TMC5: variants seen among roughly 807,000 people sequenced by gnomAD.
TMC5 encodes the protein transmembrane channel-like protein 5.
Under a neutral mutation model 110.5 loss-of-function variants are expected in TMC5, and 86 were observed. The observed-to-expected ratio is 0.78, with a 90% CI of 0.65 to 0.93. The LOEUF (loss-of-function observed/expected upper bound fraction) is 0.93. Ranked by LOEUF, TMC5 falls within the 40% of genes least tolerant of loss-of-function variation. The pLI is 0.00. For missense variants in TMC5, 1,144 were observed against 1,222.8 expected (o/e 0.94, Z 0.96); for synonymous variants, 455 against 439.5 (o/e 1.04, Z -0.44).
chr16:19,415,486 C>T (rs754862570), upstream of TMC5, among the ~76,000 whole-genome samples: 1 of 152,164 alleles, frequency 6.6e-6, no homozygotes, highest in South Asian at 2.1e-4. Context: ...TACTGCTAAA[C>T]ACCCTACAAT....
chr16:19,490,771 T>TCC (rs1186272640), intron 18 of TMC5, among the ~76,000 whole-genome samples: 1 of 117,364 alleles, frequency 8.5e-6, no homozygotes, highest in Non-Finnish European at 1.7e-5. Flanking sequence ...TCCCTTCCTT[T>TCC]TTTTCTTTTC....
At chr16:19,482,945 C>T (rs867541193) in intron 15 of TMC5, among the ~76,000 whole-genome samples, 22 of 151,874 alleles carry the variant, frequency 1.4e-4, no homozygotes, top group Admixed American at 9.9e-4. Flanking sequence ...AGTGGTGCAA[C>T]CTCCACCTCC....
At chr16:19,456,262 C>CATAT (rs113636968) in intron 5 of TMC5, among the ~76,000 whole-genome samples, 134 of 148,652 alleles carry the variant, frequency 9.0e-4, no homozygotes, top group Middle Eastern at 3.6e-3. Context: ...ATATTTAGAA[C>CATAT]ATATATATGT....
chr16:19,419,671 C>G (rs1004881460), intron 1 of TMC5, among the ~76,000 whole-genome samples: 2 of 151,996 alleles, frequency 1.3e-5, no homozygotes, highest in Admixed American at 1.3e-4. Flanking sequence ...CTCGGCCTCC[C>G]AAAGTGCTGG....
Position 19,474,260 on chromosome 16 carries a change from T to C in TMC5, c.2074T>C (p.Tyr692His). ...ERYEMPRHEV[Y>H]VLLIRNIFLK... Reference sequence around the variant, plus strand: ...GTACGAGATGCCACGGCACGAAGTCTACGTTCTCCTGATCCGGTAGGTGAT... The same window carrying C: ...GTACGAGATGCCACGGCACGAAGTCCACGTTCTCCTGATCCGGTAGGTGAT... Residue 692 changes from tyrosine (Y) to histidine (H), a missense_variant, in exon 12 of 22, where the codon TAC (tyrosine) becomes CAC (histidine). By Grantham distance (83) the Tyr-to-His change is moderately conservative. Coordinates refer to ENST00000542583, the MANE Select transcript of TMC5 (RefSeq NM_001261841.2). 1 of 1,614,088 alleles carries C rather than the reference T, an allele frequency of 6.2e-7. No individual in the cohort carries two copies. The highest frequency in any genetic ancestry group is 8.5e-7 in the Non-Finnish European group (1 of 1,179,968).
intron 20 of TMC5, among the ~76,000 whole-genome samples, chr16:19,495,369 G>A (rs1969026906): frequency 6.6e-6 from 1 of 152,000 alleles, no homozygotes; most frequent in African/African-American, 2.4e-5. Flanking sequence ...AAACATACCT[G>A]TATCTACCAA....
chr16:19,455,927 G>T (rs1967857402), intron 5 of TMC5, among the ~76,000 whole-genome samples: 1 of 152,140 alleles, frequency 6.6e-6, no homozygotes. Context: ...TATAAGTTCA[G>T]CCAGGTGCTG....
chr16:19,483,310 T>C (rs1207327390), intron 15 of TMC5, among the ~76,000 whole-genome samples: 1 of 152,224 alleles, frequency 6.6e-6, no homozygotes, highest in Non-Finnish European at 1.5e-5. Context: ...ATGCAGTTAA[T>C]GCCGGAACTC....
At position 19,470,151 on chromosome 16, in the gene TMC5, C is replaced by T. The variant is rs557644588; in HGVS notation, c.1782+326C>T. Reference sequence around the variant, plus strand: ...CCTCGTGATCCACCCACCTCAGCCTCCCAAAGTGCTGGGATTACAGGCGTA... The same window carrying T: ...CCTCGTGATCCACCCACCTCAGCCTTCCAAAGTGCTGGGATTACAGGCGTA... On this transcript the variant is annotated intron_variant, in intron 10 of 21. Coordinates refer to ENST00000542583, the MANE Select transcript of TMC5 (RefSeq NM_001261841.2). 4.0e-5 allele frequency among the ~76,000 whole-genome samples: 6 copies of T among 151,548 alleles called. No homozygotes were observed. In the South Asian group the frequency reaches 6.2e-4, roughly 16 times the overall value.
rs73538091 is a variant in TMC5 at position 19,446,031 on chromosome 16, G to A, written c.958+1781G>A. ...CCCTGTCGCAAAAAAAGAAAGGACCGGACAGGACAGGACAGGAAAGGAAGG... is the reference window on the plus strand; with the variant it reads ...CCCTGTCGCAAAAAAAGAAAGGACCAGACAGGACAGGACAGGAAAGGAAGG... On this transcript the variant is annotated intron_variant, in intron 4 of 21. Coordinates refer to ENST00000542583, the MANE Select transcript of TMC5 (RefSeq NM_001261841.2). 1.8e-3 allele frequency among the ~76,000 whole-genome samples: 260 copies of A among 144,484 alleles called. 2 individuals carry two copies. The highest frequency in any genetic ancestry group is 5.8e-3 in the African/African-American group (226 of 39,118). 94.8% of individuals were successfully genotyped at this position (144,484 alleles called of 152,430 possible). A position where few individuals can be genotyped will look rare whatever the true frequency, so the allele number is the denominator to read the frequency against.
chr16:19,424,380 G>A, intron 1 of TMC5, among the ~76,000 whole-genome samples: 1 of 152,206 alleles, frequency 6.6e-6, no homozygotes, highest in East Asian at 1.9e-4. Context: ...GCTGGGAGTG[G>A]TGGCTCATGC....
intron 20 of TMC5, among the ~76,000 whole-genome samples, chr16:19,495,439 C>A (rs1172355629): frequency 6.6e-6 from 1 of 152,208 alleles, no homozygotes; most frequent in African/African-American, 2.4e-5. Flanking sequence ...AGTATCATAA[C>A]TTCCCTCCCC....
intron 1 of TMC5, among the ~76,000 whole-genome samples, chr16:19,427,490 T>C (rs1160893704): frequency 6.6e-6 from 1 of 152,094 alleles, no homozygotes. Flanking sequence ...AGTTTCTCAA[T>C]CTAGTTCCCG....
intron 20 of TMC5, among the ~76,000 whole-genome samples, chr16:19,496,550 G>A (rs920127248): frequency 6.6e-6 from 1 of 152,042 alleles, no homozygotes; most frequent in African/African-American, 2.4e-5. Context: ...GTCACCCCAC[G>A]TCCTAATTTA....
chr16:19,432,016 C>T (rs1486965543), intron 2 of TMC5, among the ~76,000 whole-genome samples: 3 of 152,128 alleles, frequency 2.0e-5, no homozygotes, highest in Non-Finnish European at 4.4e-5. Flanking sequence ...GTCTGGGTTT[C>T]GTGAGATCAT....
chr16:19,416,235 T>C (rs1441648567), upstream of TMC5, among the ~76,000 whole-genome samples: 1 of 152,058 alleles, frequency 6.6e-6, no homozygotes, highest in East Asian at 1.9e-4. Context: ...CCCAATACTT[T>C]CTGTGAATTA....
At chr16:19,410,905 C>A (rs1597148316) in exon 1 of TMC5, 1 of 152,292 alleles carries the variant, frequency 6.6e-6, no homozygotes, top group East Asian at 1.9e-4. Flanking sequence ...ATGCGGGGCG[C>A]CCAAGCGTGG....
intron 14 of TMC5, among the ~76,000 whole-genome samples, chr16:19,480,393 A>G (rs1052822077): frequency 6.6e-6 from 1 of 152,104 alleles, no homozygotes; most frequent in South Asian, 2.1e-4. Context: ...TGCTCTAGTA[A>G]TAAGATGGTC....
At chr16:19,460,569 G>C (rs368208516) in intron 6 of TMC5, among the ~76,000 whole-genome samples, 1 of 152,128 alleles carries the variant, frequency 6.6e-6, no homozygotes, top group African/African-American at 2.4e-5. Context: ...CCAAAGAGTA[G>C]GGCGTGGAAG....
Sources: gnomAD v4.1 joint callset for allele counts (sites outside exome capture counted in the v4.1 genomes callset) on GRCh38, gnomAD v4.1.1 for gene constraint, MANE v1.5 for transcripts, NCBI Gene and HGNC (gene_info 2026-07-23, HGNC 2026-07-21) for gene names.